The following CADM1 variants were observed in gnomAD, a reference collection of about 807,000 sequenced individuals.
CADM1 encodes cell adhesion molecule 1, also known as TSLC-1.
Under a neutral mutation model 53.1 loss-of-function variants are expected in CADM1, and 15 were observed. The observed-to-expected ratio is 0.28, with a 90% confidence interval of 0.19 to 0.44. The LOEUF is 0.44. Among genes scored for constraint, CADM1 ranks in the 20% least tolerant of loss-of-function variants. CADM1 has a pLI of 1.00. For missense variants in CADM1, 434 were observed against 611.3 expected (o/e 0.71, Z 3.06); for synonymous variants, 281 against 243.0 (o/e 1.16, Z -1.45).
chr11:115,239,827 T>G (rs1031229755), intron 2 of CADM1, among the ~76,000 whole-genome samples: 1 of 152,178 alleles, frequency 6.6e-6, no homozygotes, highest in African/African-American at 2.4e-5. Context: ...GATATTACAT[T>G]TGGAAAGATT....
At chr11:115,311,694 A>C (rs1944536381) in intron 1 of CADM1, among the ~76,000 whole-genome samples, 1 of 152,124 alleles carries the variant, frequency 6.6e-6, no homozygotes, top group Non-Finnish European at 1.5e-5. Flanking sequence ...ACAGGCTGAG[A>C]GTGGGCATGG....
chr11:115,235,638 A>C (rs973912219), intron 3 of CADM1, among the ~76,000 whole-genome samples: 1 of 152,232 alleles, frequency 6.6e-6, no homozygotes, highest in East Asian at 1.9e-4. Flanking sequence ...AAAAATCAGC[A>C]ATATCAAGAT....
At chr11:115,301,337 C>G (rs1253723140) in intron 1 of CADM1, among the ~76,000 whole-genome samples, 1 of 152,016 alleles carries the variant, frequency 6.6e-6, no homozygotes, top group Non-Finnish European at 1.5e-5. Context: ...ATAGGCATGA[C>G]AGTAATGAGA....
chr11:115,314,578 T>C (rs1286009890), intron 1 of CADM1, among the ~76,000 whole-genome samples: 8 of 152,118 alleles, frequency 5.3e-5, no homozygotes, highest in African/African-American at 1.7e-4. Flanking sequence ...CATTCCTCGT[T>C]TGTATATGAA....
At chr11:115,248,208 T>G (rs1213781715) in intron 1 of CADM1, among the ~76,000 whole-genome samples, 1 of 152,202 alleles carries the variant, frequency 6.6e-6, no homozygotes. Context: ...GGGTATCTCT[T>G]GTGAAAGAAA....
intron 1 of CADM1, chr11:115,363,831 C>T (rs1946089668): frequency 6.6e-6 from 1 of 152,164 alleles, no homozygotes; most frequent in Admixed American, 6.5e-5. Context: ...GCTTATACAA[C>T]AGTGATCCCG....
chr11:115,451,932 AC>A (rs1948580938), intron 1 of CADM1, among the ~76,000 whole-genome samples: 1 of 151,946 alleles, frequency 6.6e-6, no homozygotes, highest in Non-Finnish European at 1.5e-5. Flanking sequence ...AAAAAAAAAA[AC>A]TTTTTGGAAA....
intron 1 of CADM1, among the ~76,000 whole-genome samples, chr11:115,412,149 T>C (rs1947474005): frequency 6.6e-6 from 1 of 152,194 alleles, no homozygotes; most frequent in Non-Finnish European, 1.5e-5. Flanking sequence ...TGAATCTGCT[T>C]TTATAAACAG....
intron 1 of CADM1, among the ~76,000 whole-genome samples, chr11:115,318,785 T>C (rs752038283): frequency 5.3e-5 from 8 of 152,158 alleles, no homozygotes; most frequent in Non-Finnish European, 1.0e-4. Flanking sequence ...TACTCAAAGA[T>C]TGCTCTGAGG....
chr11:115,424,538 G>T (rs1179341757), intron 1 of CADM1, among the ~76,000 whole-genome samples: 1 of 151,922 alleles, frequency 6.6e-6, no homozygotes, highest in Non-Finnish European at 1.5e-5. Context: ...TGTTTTTTGG[G>T]TTTTTTTGAG....
intron 1 of CADM1, among the ~76,000 whole-genome samples, chr11:115,246,864 TATTTA>T (rs747986667): frequency 1.4e-4 from 21 of 152,278 alleles, no homozygotes; most frequent in East Asian, 1.3e-3. Flanking sequence ...AAAAATATTT[TATTTA>T]ATTTAACATT....
intron 1 of CADM1, among the ~76,000 whole-genome samples, chr11:115,308,579 C>G (rs2135155439): frequency 6.6e-6 from 1 of 152,008 alleles, no homozygotes; most frequent in South Asian, 2.1e-4. Flanking sequence ...ATTTTTTTCA[C>G]AAAGTAACCT....
intron 1 of CADM1, among the ~76,000 whole-genome samples, chr11:115,289,474 C>T (rs1307226187): frequency 1.3e-5 from 2 of 152,144 alleles, no homozygotes; most frequent in Admixed American, 6.5e-5. Flanking sequence ...GTTTAGTATA[C>T]CTTTCTGGTA....
intron 1 of CADM1, among the ~76,000 whole-genome samples, chr11:115,329,476 G>T (rs748694653): frequency 2.0e-5 from 3 of 152,060 alleles, no homozygotes; most frequent in Non-Finnish European, 4.4e-5. Flanking sequence ...GGTGTGGCTC[G>T]TCTGTTGGGC....
At chr11:115,450,736 T>C (rs1275417127) in intron 1 of CADM1, among the ~76,000 whole-genome samples, 5 of 152,248 alleles carry the variant, frequency 3.3e-5, no homozygotes, top group African/African-American at 7.2e-5. Context: ...TGGCTATCAT[T>C]GCCAGTGAGT....
intron 1 of CADM1, chr11:115,397,637 A>AT (rs1268799239): frequency 2.0e-5 from 3 of 152,214 alleles, no homozygotes; most frequent in Non-Finnish European, 4.4e-5. Context: ...ATAACAGAGC[A>AT]TAAAAGTCAA....
chr11:115,418,321 A>T (rs1185397146), intron 1 of CADM1, among the ~76,000 whole-genome samples: 1 of 152,216 alleles, frequency 6.6e-6, no homozygotes, highest in Non-Finnish European at 1.5e-5. Context: ...CTTAACAAGA[A>T]CGGCCAGTCT....
intron 1 of CADM1, among the ~76,000 whole-genome samples, chr11:115,329,897 G>C (rs1945087189): frequency 6.6e-6 from 1 of 151,582 alleles, no homozygotes; most frequent in South Asian, 2.1e-4. Context: ...GCTATCCCCA[G>C]CTGAACTCCT....
At chr11:115,249,564 G>A (rs1252863375) in intron 1 of CADM1, among the ~76,000 whole-genome samples, 3 of 152,094 alleles carry the variant, frequency 2.0e-5, no homozygotes, top group African/African-American at 7.2e-5. Context: ...AAGGTTTACT[G>A]GATTAAAACT....
Sources: gnomAD v4.1 joint callset for allele counts (sites outside exome capture counted in the v4.1 genomes callset) on GRCh38, gnomAD v4.1.1 for gene constraint, MANE v1.5 for transcripts, NCBI Gene and HGNC (gene_info 2026-07-23, HGNC 2026-07-21) for gene names.